LRRC39: variants seen among roughly 807,000 people sequenced by gnomAD.
LRRC39 encodes leucine rich repeat containing 39, also known as leucine-rich repeat-containing protein 39.
In LRRC39, 35 loss-of-function variants were observed where a neutral mutation model predicts 39.7. The ratio of observed to expected loss-of-function variants is 0.88; its 90% CI spans 0.67 to 1.17. The LOEUF (loss-of-function observed/expected upper bound fraction) is 1.17. Among genes scored for constraint, LRRC39 ranks in the 50% most tolerant of loss-of-function variants. The probability of loss-of-function intolerance (pLI) is 0.00; values close to 1 mark genes in which losing one functional copy is unlikely to be tolerated. For synonymous variants in LRRC39, 113 were observed against 134.1 expected (o/e 0.84, Z 1.09); for missense variants, 357 against 385.8 (o/e 0.93, Z 0.62).
At chr1:100,151,550 GTTGT>G (rs1176672802) in intron 9 of LRRC39, among the ~76,000 whole-genome samples, 9 of 152,190 alleles carry the variant, frequency 5.9e-5, no homozygotes, top group African/African-American at 2.2e-4. Flanking sequence ...TTTCAAACTA[GTTGT>G]TGCATTAAGT....
In LRRC39 at chr1:100,159,118, C is replaced by T. The variant is rs72973719; in HGVS notation, c.376+141G>A. On this transcript the variant is annotated intron_variant, in intron 5 of 9. Transcript: ENST00000370137. Reference sequence around the variant, plus strand: ...ACAAACTTGAATCCCCTAGAAGCTTCAATTTAGATTAAATGTTTAAAATTC... The same window carrying T: ...ACAAACTTGAATCCCCTAGAAGCTTTAATTTAGATTAAATGTTTAAAATTC... The T allele has an allele frequency of 0.011, 6,764 of 601,112 alleles. 381 individuals are homozygous for T. The African/African-American group carries it at 0.11, about 10-fold the overall frequency. The allele number at this position is 601,112 out of a possible 1,614,324, so 37.2% of individuals were successfully genotyped here.
At chr1:100,149,527 T>G in intron 9 of LRRC39, 1 of 1,265,518 alleles carries the variant, frequency 7.9e-7, no homozygotes, top group South Asian at 1.5e-5. Context: ...CAAACATAAT[T>G]CACAAATTTG....
Position 100,148,912 on chromosome 1 carries a change from A to G in LRRC39, c.*130T>C. The G allele has an allele frequency of 8.9e-7, 1 of 1,123,038 alleles. No individual in the cohort carries two copies. Among genetic ancestry groups the G allele is most frequent in the Non-Finnish European group, 1.2e-6 (1 of 849,472 alleles). 69.6% of individuals were successfully genotyped at this position (1,123,038 alleles called of 1,614,324 possible). A position where few individuals can be genotyped will look rare whatever the true frequency, so the allele number is the denominator to read the frequency against. The stretch of plus-strand genomic sequence containing the variant: ...AAAAAAATATATACTTTAAATAGCA[A>G]ATAATATGAACTTTAAAAAATGCTG... On this transcript the variant is annotated 3_prime_UTR_variant, in exon 10 of 10. Transcript: ENST00000370137.
rs1049792689 is a variant in LRRC39, at chr1:100,149,388, A to G, written c.953-291T>C. The G allele has an allele frequency of 5.4e-5, 84 of 1,546,174 alleles. No homozygotes were observed. In the Admixed American group the frequency reaches 1.6e-3, roughly 30 times the overall value. On this transcript the variant is annotated intron_variant, in intron 9 of 9. Transcript: ENST00000370137. The stretch of plus-strand genomic sequence containing the variant: ...CACCTTCAAATTTCCAGAGCCATAC[A>G]TGTATATATTGTCAGAATCTGTCCA...
chr1:100,176,886 A>C (rs1361950896), intron 1 of LRRC39, among the ~76,000 whole-genome samples: 1 of 152,338 alleles, frequency 6.6e-6, no homozygotes, highest in East Asian at 1.9e-4. Context: ...GAAAACATAA[A>C]AGTGACAGTA....
At position 100,172,959 on chromosome 1, in the gene LRRC39, CA is replaced by C. The variant is rs35628050; in HGVS notation, c.-79+371del. Among the ~76,000 whole-genome samples the C allele has an allele frequency of 7.1e-3, 755 of 106,708 alleles. 7 individuals are homozygous for C. Among genetic ancestry groups the C allele is most frequent in the African/African-American group, 0.019 (593 of 31,744 alleles). The allele number at this position is 106,708 out of a possible 152,430, so 70.0% of individuals were successfully genotyped here. Reference sequence around the variant, plus strand: ...TGGGTGACAGAGCGAGACTCTGTCTCAAAAAAAAAAAAAAATTAGGAGGTTG... The same window carrying C: ...TGGGTGACAGAGCGAGACTCTGTCTCAAAAAAAAAAAAAATTAGGAGGTTG... On this transcript the variant is annotated intron_variant, in intron 2 of 9. Coordinates refer to ENST00000370137, the MANE Select transcript of LRRC39 (RefSeq NM_144620.4).
intron 3 of LRRC39, among the ~76,000 whole-genome samples, chr1:100,164,195 G>A (rs1659080300): frequency 6.6e-6 from 1 of 152,158 alleles, no homozygotes; most frequent in Non-Finnish European, 1.5e-5. Context: ...CATCAAAAGG[G>A]AGAAAACACA....
chr1:100,166,584 T>C (rs1659264528), intron 3 of LRRC39, among the ~76,000 whole-genome samples: 1 of 152,158 alleles, frequency 6.6e-6, no homozygotes, highest in African/African-American at 2.4e-5. Context: ...TTGAAGAAGA[T>C]GATTTAGGGT....
intron 3 of LRRC39, among the ~76,000 whole-genome samples, chr1:100,166,564 A>T (rs1659256837): frequency 6.6e-6 from 1 of 152,226 alleles, no homozygotes; most frequent in African/African-American, 2.4e-5. Context: ...AGATCTGTGG[A>T]ACGTTGAACT....
chr1:100,167,034 T>C (rs548049925), intron 3 of LRRC39, among the ~76,000 whole-genome samples: 5 of 152,294 alleles, frequency 3.3e-5, no homozygotes, highest in Admixed American at 2.6e-4. Context: ...ACACCAGGGA[T>C]GAATCTTAAT....
intron 2 of LRRC39, among the ~76,000 whole-genome samples, chr1:100,168,992 G>A (rs1659424316): frequency 1.3e-5 from 2 of 151,952 alleles, no homozygotes; most frequent in Non-Finnish European, 2.9e-5. Flanking sequence ...ATATGCACAA[G>A]TAGAAATTCA....
chr1:100,174,216 C>A (rs1180904273), intron 1 of LRRC39, among the ~76,000 whole-genome samples: 3 of 151,942 alleles, frequency 2.0e-5, no homozygotes, highest in African/African-American at 7.3e-5. Flanking sequence ...GTTATTGGTG[C>A]AATAGAAAAA....
upstream of LRRC39, chr1:100,178,327 G>A (rs548994687): frequency 5.9e-5 from 9 of 152,230 alleles, no homozygotes; most frequent in South Asian, 4.1e-4. Flanking sequence ...TCTTTGCGAC[G>A]GATCAGCTGA....
rs746693382 is a variant in LRRC39 at position 100,152,383 on chromosome 1, A to G, written c.952+2T>C. 1.9e-6 allele frequency: 3 copies of G among 1,613,458 alleles called. No individual in the cohort carries two copies. Among genetic ancestry groups the G allele is most frequent in the Non-Finnish European group, 2.5e-6 (3 of 1,179,724 alleles). ...AATCTGTGTTATATACAAATCTTATACCTGCTCTTCTCCGTGACTCTTGTA... is the reference window on the plus strand; with the variant it reads ...AATCTGTGTTATATACAAATCTTATGCCTGCTCTTCTCCGTGACTCTTGTA... On this transcript the variant is annotated splice_donor_variant, in intron 9 of 9. Transcript: ENST00000370137. LOFTEE classifies it high-confidence loss of function.
chr1:100,152,888 G>A lies in LRRC39; in HGVS notation c.813-364C>T, dbSNP rs562696152. 2.6e-5 allele frequency among the ~76,000 whole-genome samples: 4 copies of A among 152,128 alleles called. No individual in the cohort carries two copies. The East Asian group carries it at 5.8e-4, about 22-fold the overall frequency. Reference sequence around the variant, plus strand: ...ACTAGAGGTGCACACCATGACGCCCGGCCAATTTTTGCATTTTTAGTAGAG... The same window carrying A: ...ACTAGAGGTGCACACCATGACGCCCAGCCAATTTTTGCATTTTTAGTAGAG... On this transcript the variant is annotated intron_variant, in intron 8 of 9. Transcript: ENST00000370137.
At chr1:100,170,597 C>T (rs2101794389) in intron 2 of LRRC39, among the ~76,000 whole-genome samples, 1 of 152,238 alleles carries the variant, frequency 6.6e-6, no homozygotes, top group East Asian at 1.9e-4. Flanking sequence ...CTGAGCTGTA[C>T]ACTAAAAGAG....
intron 9 of LRRC39, chr1:100,149,570 A>G (rs548106446): frequency 1.3e-6 from 1 of 748,900 alleles, no homozygotes; most frequent in Non-Finnish European, 2.1e-6. Context: ...GCTATCTCAT[A>G]TCTTTTATCA....
intron 7 of LRRC39, 28 bp downstream of exon 7, chr1:100,156,144 C>T (rs1336381834): frequency 6.3e-6 from 10 of 1,589,962 alleles, no homozygotes; most frequent in Non-Finnish European, 8.6e-6. Flanking sequence ...AGACTTTTAT[C>T]ATTAGCATAA....
At chr1:100,168,259 G>A in intron 3 of LRRC39, 145 bp downstream of exon 3, 1 of 653,934 alleles carries the variant, frequency 1.5e-6, no homozygotes, top group South Asian at 2.1e-5. Context: ...AATTGAGTCA[G>A]CTGTTTTCTT....
Sources: gnomAD v4.1 joint callset for allele counts (sites outside exome capture counted in the v4.1 genomes callset) on GRCh38, gnomAD v4.1.1 for gene constraint, MANE v1.5 for transcripts, NCBI Gene and HGNC (gene_info 2026-07-23, HGNC 2026-07-21) for gene names.